The following INTS7 variants were observed in gnomAD, a reference collection of about 807,000 sequenced individuals.
The protein encoded by INTS7 is integrator complex subunit 7.
INTS7 carries 46 observed loss-of-function variants against 109.2 expected under a neutral mutation model. The observed-to-expected ratio is 0.42, with a 90% CI of 0.33 to 0.54. The LOEUF is 0.54. Among genes scored for constraint, INTS7 ranks in the 20% least tolerant of loss-of-function variants. The probability of loss-of-function intolerance (pLI) is 0.07; values close to 1 mark genes in which losing one functional copy is unlikely to be tolerated. For missense variants in INTS7, 929 were observed against 1,132.4 expected (o/e 0.82, Z 2.58); for synonymous variants, 412 against 402.9 (o/e 1.02, Z -0.27).
In INTS7 at chr1:211,987,881, C is replaced by T. The variant is rs1426809617; in HGVS notation, c.997+5G>A. On this transcript the variant is annotated splice_donor_5th_base_variant and intron_variant, in intron 8 of 19. Coordinates refer to ENST00000366994, the MANE Select transcript of INTS7 (RefSeq NM_015434.4). ...TTTATATGGTATCTCCTGTCTTTTCCTTACCTGGAACTATACTGAAGTAAT... is the reference window on the plus strand; with the variant it reads ...TTTATATGGTATCTCCTGTCTTTTCTTTACCTGGAACTATACTGAAGTAAT... 5 of 1,495,956 alleles carry T rather than the reference C, an allele frequency of 3.3e-6. No individual in the cohort carries two copies. Among genetic ancestry groups the T allele is most frequent in the East Asian group, 4.6e-5 (2 of 43,838 alleles). 92.7% of individuals were successfully genotyped at this position (1,495,956 alleles called of 1,614,324 possible).
intron 10 of INTS7, 45 bp downstream of exon 10, chr1:211,981,048 A>C (rs1664639940): frequency 5.0e-6 from 6 of 1,209,214 alleles, no homozygotes; most frequent in Non-Finnish European, 7.3e-6. Flanking sequence ...ATTGCCTAAG[A>C]CCATCATATA....
chr1:211,945,094 G>C, intron 18 of INTS7, 125 bp from the exon 19 acceptor site: 1 of 783,240 alleles, frequency 1.3e-6, no homozygotes, highest in Non-Finnish European at 2.0e-6. Context: ...ACCCCCACAG[G>C]ACCTGACTGT....
intron 17 of INTS7, 42 bp downstream of exon 17, chr1:211,952,527 A>G (rs1463794103): frequency 1.3e-6 from 2 of 1,592,626 alleles, no homozygotes. Flanking sequence ...TGAAAAACCC[A>G]CATCCATACA....
chr1:211,965,187 A>G (rs78745587), intron 16 of INTS7, among the ~76,000 whole-genome samples: 1 of 125,550 alleles, frequency 8.0e-6, no homozygotes, highest in Non-Finnish European at 1.8e-5. Flanking sequence ...CAAGCACATA[A>G]AAAAAAAAAA....
intron 2 of INTS7, 127 bp from the exon 3 acceptor site, chr1:212,020,395 A>C: frequency 1.5e-6 from 1 of 653,590 alleles, no homozygotes; most frequent in Non-Finnish European, 2.5e-6. Flanking sequence ...TATTTGTTTA[A>C]CTACTAAAAG....
chr1:212,013,495 TGAAG>T lies in INTS7; in HGVS notation c.510-2078_510-2075del. 2.6e-5 allele frequency among the ~76,000 whole-genome samples: 4 copies of T among 152,334 alleles called. 1 individual carries two copies. Among genetic ancestry groups the T allele is most frequent in the Admixed American group, 2.6e-4 (4 of 15,300 alleles). On this transcript the variant is annotated intron_variant, in intron 4 of 19. Coordinates refer to ENST00000366994, the MANE Select transcript of INTS7 (RefSeq NM_015434.4). ...TAGCAAGGTAAGGTTAATTTATTGT[TGAAG>T]GAAGAAAAACTTCAAAAATAAATTT...
chr1:211,972,012 G>A (rs1292686309), intron 13 of INTS7, among the ~76,000 whole-genome samples: 1 of 151,592 alleles, frequency 6.6e-6, no homozygotes, highest in Non-Finnish European at 1.5e-5. Flanking sequence ...GCAAAGTACT[G>A]TTACCTTTGT....
intron 9 of INTS7, 42 bp downstream of exon 9, chr1:211,982,634 A>G (rs1558038047): frequency 6.7e-7 from 1 of 1,499,648 alleles, no homozygotes. Context: ...TCCAAGGTCT[A>G]AACCAAAGTT....
At chr1:211,971,915 C>CAAA (rs745814699) in intron 13 of INTS7, among the ~76,000 whole-genome samples, 228 of 79,408 alleles carry the variant, frequency 2.9e-3, no homozygotes, top group Middle Eastern at 9.1e-3. Context: ...AACTCAGTCT[C>CAAA]AAAAAAAAAA....
chr1:211,984,462 T>C (rs918611960), intron 8 of INTS7, among the ~76,000 whole-genome samples: 1 of 152,090 alleles, frequency 6.6e-6, no homozygotes, highest in Non-Finnish European at 1.5e-5. Context: ...TAAATCTTTT[T>C]CCCCCTATGT....
intron 2 of INTS7, 31 bp downstream of exon 2, chr1:212,021,052 T>A: frequency 6.3e-7 from 1 of 1,578,662 alleles, no homozygotes. Flanking sequence ...AACAAAGTAC[T>A]TTAGGACATC....
chr1:211,999,575 A>G (rs902199679), intron 7 of INTS7, among the ~76,000 whole-genome samples: 1 of 152,184 alleles, frequency 6.6e-6, no homozygotes. Context: ...AACCTAGAAA[A>G]GTTTCTGTAA....
intron 7 of INTS7, among the ~76,000 whole-genome samples, chr1:212,005,725 G>A (rs368609536): frequency 2.0e-5 from 3 of 152,096 alleles, no homozygotes; most frequent in African/African-American, 7.2e-5. Context: ...GGGATCAGAG[G>A]ACAGAAGCTC....
At chr1:211,966,644 C>T (rs1307393655) in intron 15 of INTS7, 146 bp from the exon 16 acceptor site, 3 of 575,430 alleles carry the variant, frequency 5.2e-6, no homozygotes, top group East Asian at 5.7e-5. Flanking sequence ...TGGGGCTCTA[C>T]CTTTTCTTTT....
At chr1:212,013,730 A>G (rs1162089772) in intron 4 of INTS7, among the ~76,000 whole-genome samples, 1 of 152,184 alleles carries the variant, frequency 6.6e-6, no homozygotes, top group Non-Finnish European at 1.5e-5. Flanking sequence ...ATGTTTAGAT[A>G]TACATATACT....
At chr1:212,014,982 T>TA (rs199540970) in intron 4 of INTS7, among the ~76,000 whole-genome samples, 3,957 of 152,086 alleles carry the variant, frequency 0.026, 57 homozygotes, top group African/African-American at 0.046. Context: ...GGAGCGTCTC[T>TA]AACCGGCCAC....
At chr1:211,968,229 GTCT>G (rs1221992252) in intron 14 of INTS7, among the ~76,000 whole-genome samples, 4 of 151,986 alleles carry the variant, frequency 2.6e-5, no homozygotes, top group Admixed American at 6.5e-5. Context: ...GTATTTTAGC[GTCT>G]TCAAGTTCCA....
chr1:212,020,644 A>G (rs1216897196), intron 2 of INTS7: 2 of 594,348 alleles, frequency 3.4e-6, no homozygotes, highest in Admixed American at 5.9e-5. Context: ...GCACGAGTGC[A>G]TGGAGAATGG....
intron 3 of INTS7, among the ~76,000 whole-genome samples, chr1:212,018,262 T>C (rs1366379273): frequency 6.6e-6 from 1 of 152,170 alleles, no homozygotes; most frequent in Non-Finnish European, 1.5e-5. Context: ...TTTTTTTCCT[T>C]TAAAGTGATC....
Sources: allele counts gnomAD v4.1 joint callset (sites outside exome capture counted in the v4.1 genomes callset), GRCh38; gene constraint gnomAD v4.1.1; transcripts MANE v1.5; gene names NCBI Gene and HGNC (gene_info 2026-07-23, HGNC 2026-07-21).